Variants in AGAP1 observed in about 807,000 individuals in gnomAD.
AGAP1 encodes the protein ArfGAP with GTPase domain, ankyrin repeat and PH domain 1.
Under a neutral mutation model 105.3 loss-of-function variants are expected in AGAP1, and 29 were observed. The ratio of observed to expected loss-of-function variants is 0.28; its 90% CI spans 0.21 to 0.38. The LOEUF is 0.38. Among genes scored for constraint, AGAP1 ranks in the 10% least tolerant of loss-of-function variants. The probability of loss-of-function intolerance (pLI) is 1.00; values close to 1 mark genes in which losing one functional copy is unlikely to be tolerated. For missense variants in AGAP1, 998 were observed against 1,165.1 expected (o/e 0.86, Z 2.09); for synonymous variants, 509 against 485.9 (o/e 1.05, Z -0.63).
chr2:235,789,694 C>T lies in AGAP1; in HGVS notation c.674-8065C>T, dbSNP rs114550964. Among the ~76,000 whole-genome samples, 374 of 152,296 alleles carry T rather than the reference C, an allele frequency of 2.5e-3. 1 individual carries two copies. Among genetic ancestry groups the T allele is most frequent in the African/African-American group, 8.7e-3 (363 of 41,556 alleles). ...CAGAAGGTAAGGCATCAAAGGATTA[C>T]TTTGATATACGCAAGGTAAGTCAAC... On this transcript the variant is annotated intron_variant, in intron 6 of 17. Transcript: ENST00000304032. This position sits in a 1 kb window ranked among gnomAD's most constrained non-coding sequence, Gnocchi z 4.2.
intron 12 of AGAP1, among the ~76,000 whole-genome samples, chr2:235,933,237 A>T (rs923568804): frequency 6.6e-6 from 1 of 152,198 alleles, no homozygotes; most frequent in Admixed American, 6.5e-5. Flanking sequence ...AAACAGCAGG[A>T]GGAAGTTATT....
intron 1 of AGAP1, among the ~76,000 whole-genome samples, chr2:235,685,769 A>G (rs1949348225): frequency 6.6e-6 from 1 of 152,114 alleles, no homozygotes; most frequent in Non-Finnish European, 1.5e-5. Flanking sequence ...GTTAATCTTG[A>G]AAGTTTACTT....
chr2:236,112,609 A>G (rs904195034), intron 16 of AGAP1, among the ~76,000 whole-genome samples: 4 of 152,130 alleles, frequency 2.6e-5, no homozygotes, highest in African/African-American at 9.7e-5. Context: ...TTCTGTTCAC[A>G]GGTGCTGGGA....
rs1384558806 is a variant in AGAP1, at chr2:235,736,291, A to G, written c.311-4672A>G. On this transcript the variant is annotated intron_variant, in intron 3 of 17. Coordinates refer to ENST00000304032, the MANE Select transcript of AGAP1 (RefSeq NM_001037131.3). The surrounding 1 kb of genome is among the most constrained non-coding windows in gnomAD (Gnocchi z 5.5). ...CTGTTCACAGGTGTGCCTGGGCCAG[A>G]TGCATGTCTGACAGGGACATCAGGT... 6.6e-5 allele frequency among the ~76,000 whole-genome samples: 10 copies of G among 152,030 alleles called. No individual in the cohort carries two copies. The highest frequency in any genetic ancestry group is 6.6e-4 in the Admixed American group (10 of 15,260).
In AGAP1 at chr2:236,088,763, C is replaced by A. The variant is rs547461683; in HGVS notation, c.2115-31429C>A. On this transcript the variant is annotated intron_variant, in intron 16 of 17. Coordinates refer to ENST00000304032, the MANE Select transcript of AGAP1 (RefSeq NM_001037131.3). ...CTGTGAATTGCAGCAGTTTATGCCACAATTGTAGCCCTGTCCCCATTGTCA... is the reference window on the plus strand; with the variant it reads ...CTGTGAATTGCAGCAGTTTATGCCAAAATTGTAGCCCTGTCCCCATTGTCA... 3.8e-4 allele frequency among the ~76,000 whole-genome samples: 58 copies of A among 152,308 alleles called. 1 individual carries two copies. The highest frequency in any genetic ancestry group is 2.6e-3 in the Admixed American group (40 of 15,300).
Position 235,670,764 on chromosome 2 carries a change from C to A in AGAP1, c.164-38415C>A, listed in dbSNP as rs868864230. The A allele has an allele frequency of 4.4e-5, 48 of 1,101,808 alleles. No individual in the cohort carries two copies. The African/African-American group carries it at 6.5e-4, about 15-fold the overall frequency. The allele number at this position is 1,101,808 out of a possible 1,614,324, so 68.3% of individuals were successfully genotyped here. On this transcript the variant is annotated intron_variant, in intron 1 of 17. Transcript: ENST00000304032. ...GGCGAGGTGCTCAGCAAGAACGACG[C>A]GCTCTCGGACCTGGAGCGTTGGGAA...
chr2:236,063,655 A>C (rs1559239234), intron 16 of AGAP1, among the ~76,000 whole-genome samples: 1 of 152,332 alleles, frequency 6.6e-6, no homozygotes, highest in East Asian at 1.9e-4. Context: ...GCCCAGCCTC[A>C]CCTTTGCAGT....
At chr2:235,827,367 A>G (rs1056328582) in intron 9 of AGAP1, among the ~76,000 whole-genome samples, 5 of 152,244 alleles carry the variant, frequency 3.3e-5, no homozygotes, top group Admixed American at 6.5e-5. Flanking sequence ...CACGTGGCTG[A>G]AGGGCTTGGA....
intron 1 of AGAP1, among the ~76,000 whole-genome samples, chr2:235,542,988 T>G (rs993450202): frequency 6.6e-6 from 1 of 152,132 alleles, no homozygotes; most frequent in Non-Finnish European, 1.5e-5. Flanking sequence ...CCTGACTTCC[T>G]GTTTGCTGAG....
chr2:235,545,115 A>G (rs895943681), intron 1 of AGAP1, among the ~76,000 whole-genome samples: 2 of 152,218 alleles, frequency 1.3e-5, no homozygotes, highest in Admixed American at 6.5e-5. Flanking sequence ...GTTAGCGGAA[A>G]TATGACTCCA....
chr2:235,773,378 CCAAT>C (rs1479014145), intron 6 of AGAP1, among the ~76,000 whole-genome samples: 2 of 152,114 alleles, frequency 1.3e-5, no homozygotes, highest in African/African-American at 2.4e-5. Context: ...TGGAAAGCAA[CCAAT>C]CAAAGGCTGA....
intron 16 of AGAP1, among the ~76,000 whole-genome samples, chr2:236,103,580 T>A (rs889202763): frequency 6.6e-6 from 1 of 151,898 alleles, no homozygotes; most frequent in Admixed American, 6.6e-5. Context: ...TTCTTTTTTT[T>A]CCCCCTGAGA....
intron 16 of AGAP1, among the ~76,000 whole-genome samples, chr2:236,117,432 C>A (rs553020265): frequency 1.3e-5 from 2 of 152,254 alleles, no homozygotes; most frequent in East Asian, 3.9e-4. Flanking sequence ...CCAGCAGTTC[C>A]CGGGGAGAAC....
At chr2:235,922,075 AC>A (rs1314405976) in intron 11 of AGAP1, among the ~76,000 whole-genome samples, 1 of 152,288 alleles carries the variant, frequency 6.6e-6, no homozygotes, top group Non-Finnish European at 1.5e-5. Flanking sequence ...ATTCCAGGGA[AC>A]CCGGTTTTCC....
chr2:235,626,836 G>C (rs903763388), intron 1 of AGAP1, among the ~76,000 whole-genome samples: 1 of 152,164 alleles, frequency 6.6e-6, no homozygotes, highest in Non-Finnish European at 1.5e-5. Context: ...GACACAAATT[G>C]GCATGGCGTG....
At chr2:235,946,052 TGGAGACACAGATCCAGGC>T (rs1165064643) in intron 12 of AGAP1, among the ~76,000 whole-genome samples, 16 of 151,532 alleles carry the variant, frequency 1.1e-4, no homozygotes, top group Non-Finnish European at 1.3e-4. Context: ...GAGACCTGGG[TGGAGACACAGATCCAGGC>T]GGAGACACAG....
At chr2:236,102,780 TTG>T (rs545673188) in intron 16 of AGAP1, among the ~76,000 whole-genome samples, 14 of 152,154 alleles carry the variant, frequency 9.2e-5, no homozygotes, top group Non-Finnish European at 1.6e-4. Context: ...CCGTGTTTTG[TTG>T]TGTTGTTTTA....
In AGAP1 at chr2:235,874,373, T is replaced by C. The variant is rs542189618; in HGVS notation, c.1051-8972T>C. Among the ~76,000 whole-genome samples, 1 of 152,192 alleles carries C rather than the reference T, an allele frequency of 6.6e-6. No individual in the cohort carries two copies. Among genetic ancestry groups the C allele is most frequent in the Admixed American group, 6.5e-5 (1 of 15,272 alleles). ...CCAGAACCACATTCTTGAGCTGAGCTCCCGAGGGTACCTGGTGATGTAGAA... is the reference window on the plus strand; with the variant it reads ...CCAGAACCACATTCTTGAGCTGAGCCCCCGAGGGTACCTGGTGATGTAGAA... On this transcript the variant is annotated intron_variant, in intron 9 of 17. Coordinates refer to ENST00000304032, the MANE Select transcript of AGAP1 (RefSeq NM_001037131.3). The surrounding 1 kb of genome is among the most constrained non-coding windows in gnomAD (Gnocchi z 4.5).
intron 1 of AGAP1, among the ~76,000 whole-genome samples, chr2:235,546,577 T>C (rs1341010860): frequency 1.3e-5 from 2 of 151,990 alleles, no homozygotes; most frequent in Non-Finnish European, 2.9e-5. Context: ...CCATCCAGGG[T>C]TCAGGTTTCT....
Sources: gnomAD v4.1 joint callset for allele counts (sites outside exome capture counted in the v4.1 genomes callset) on GRCh38, gnomAD v4.1.1 for gene constraint, Gnocchi (gnomAD v3.1) non-coding constraint, MANE v1.5 for transcripts, NCBI Gene and HGNC (gene_info 2026-07-23, HGNC 2026-07-21) for gene names.